PRKCI: variants seen among roughly 807,000 people sequenced by gnomAD.
PRKCI encodes the protein protein kinase C iota, also known as protein kinase C iota type.
A neutral mutation model predicts 84.0 loss-of-function variants in PRKCI; 43 were observed. The observed-to-expected ratio is 0.51, with a 90% CI of 0.40 to 0.66. The LOEUF (loss-of-function observed/expected upper bound fraction) is 0.66. Among genes scored for constraint, PRKCI ranks in the 30% least tolerant of loss-of-function variants. The probability of loss-of-function intolerance (pLI) is 0.00; values close to 1 mark genes in which losing one functional copy is unlikely to be tolerated. For synonymous variants in PRKCI, 216 were observed against 234.4 expected, an observed-to-expected ratio of 0.92 and a Z score of 0.72; for missense variants, 459 against 745.6, an observed-to-expected ratio of 0.62 and a Z score of 4.48.
chr3:170,289,477 C>A (rs1560184449), intron 12 of PRKCI, among the ~76,000 whole-genome samples: 1 of 152,026 alleles, frequency 6.6e-6, no homozygotes, highest in Non-Finnish European at 1.5e-5. Context: ...GAGTCAGGGA[C>A]AAGAATGGAA....
chr3:170,287,466 T>C (rs1734423806), intron 12 of PRKCI, among the ~76,000 whole-genome samples: 1 of 151,938 alleles, frequency 6.6e-6, no homozygotes, highest in Non-Finnish European at 1.5e-5. Flanking sequence ...ACGTTGATTC[T>C]GTTTACTTTT....
In PRKCI at chr3:170,245,292, TG is replaced by T. The variant is rs770825865; in HGVS notation, c.223+9946del. 1.2e-3 allele frequency among the ~76,000 whole-genome samples: 180 copies of T among 152,226 alleles called. 1 individual carries two copies. Among genetic ancestry groups the T allele is most frequent in the Admixed American group, 1.0e-3 (16 of 15,278 alleles). On this transcript the variant is annotated intron_variant, in intron 2 of 17. Transcript: ENST00000295797. Reference sequence around the variant, plus strand: ...ACTACTTGCAATTAGCATCTGAAGTTGGGGGTAGTCTGTGGGACTGAGCCCT... The same window carrying T: ...ACTACTTGCAATTAGCATCTGAAGTTGGGGTAGTCTGTGGGACTGAGCCCT...
chr3:170,249,975 T>A (rs1733396555), intron 2 of PRKCI, among the ~76,000 whole-genome samples: 1 of 152,006 alleles, frequency 6.6e-6, no homozygotes, highest in Non-Finnish European at 1.5e-5. Context: ...AACTTACTTT[T>A]GTAAAAATGC....
At chr3:170,298,143 G>A (rs1355876724) in intron 16 of PRKCI, among the ~76,000 whole-genome samples, 1 of 152,062 alleles carries the variant, frequency 6.6e-6, no homozygotes, top group Non-Finnish European at 1.5e-5. Context: ...AAAGTGCTGG[G>A]ATTCCAGGGG....
At chr3:170,291,067 C>T (rs1734538166) in intron 12 of PRKCI, among the ~76,000 whole-genome samples, 2 of 151,548 alleles carry the variant, frequency 1.3e-5, no homozygotes, top group South Asian at 2.1e-4. Context: ...ATCCGGGAGG[C>T]GGAGGTTGCA....
intron 9 of PRKCI, 42 bp from the exon 10 acceptor site, chr3:170,281,124 T>G: frequency 1.3e-6 from 2 of 1,492,320 alleles, no homozygotes; most frequent in Non-Finnish European, 1.9e-6. Context: ...TCATTAATTG[T>G]GATATCAGTT....
At chr3:170,281,347 A>T (rs562412143) in intron 10 of PRKCI, 84 bp downstream of exon 10, 1 of 1,057,416 alleles carries the variant, frequency 9.5e-7, no homozygotes, top group South Asian at 1.3e-5. Flanking sequence ...GCCCTAATTC[A>T]TGAAGTTGAT....
In PRKCI at chr3:170,280,414, C is replaced by T. The variant is rs1356165218; in HGVS notation, c.882+11C>T. On this transcript the variant is annotated intron_variant, in intron 9 of 17. Transcript: ENST00000295797. ...GTTAATGATGATGAGGTAAGCACTG[C>T]ATATTTTATTGCTTCTAAACTGCTT... 6.3e-7 allele frequency: 1 copy of T among 1,593,122 alleles called. No individual in the cohort carries two copies. The highest frequency in any genetic ancestry group is 1.8e-5 in the Admixed American group (1 of 56,784).
chr3:170,228,648 TACAC>T (rs1420685917), intron 1 of PRKCI, among the ~76,000 whole-genome samples: 9 of 151,012 alleles, frequency 6.0e-5, no homozygotes, highest in African/African-American at 2.2e-4. Context: ...CACATATACA[TACAC>T]ACACATATAA....
chr3:170,263,038 G>A (rs1482469992), intron 3 of PRKCI, among the ~76,000 whole-genome samples: 9 of 151,468 alleles, frequency 5.9e-5, no homozygotes, highest in Admixed American at 2.0e-4. Flanking sequence ...GCATGGTGGC[G>A]CGTGCCTGTA....
At position 170,303,172 on chromosome 3, in the gene PRKCI, G is replaced by A. The variant is rs751362718; in HGVS notation, c.*45G>A. 4.3e-5 allele frequency: 61 copies of A among 1,434,728 alleles called. No individual in the cohort carries two copies. Among genetic ancestry groups the A allele is most frequent in the Non-Finnish European group, 4.8e-5 (50 of 1,042,434 alleles). The allele number at this position is 1,434,728 out of a possible 1,614,324, so 88.9% of individuals were successfully genotyped here. ...TATTCTACTCATGTTGCCATTTAAT[G>A]CATGGATAAACTTGCTGCAAGCCTG... On this transcript the variant is annotated 3_prime_UTR_variant, in exon 18 of 18. Transcript: ENST00000295797.
intron 2 of PRKCI, among the ~76,000 whole-genome samples, chr3:170,253,242 T>G (rs1733497934): frequency 6.6e-6 from 1 of 152,194 alleles, no homozygotes; most frequent in Non-Finnish European, 1.5e-5. Flanking sequence ...AGGTGTGTGT[T>G]TAGTTTTCTG....
At chr3:170,252,394 A>G (rs889510736) in intron 2 of PRKCI, among the ~76,000 whole-genome samples, 2 of 152,168 alleles carry the variant, frequency 1.3e-5, no homozygotes, top group East Asian at 3.9e-4. Context: ...TATGGGGTAC[A>G]TGAGCTATTT....
intron 8 of PRKCI, 160 bp from the exon 9 acceptor site, chr3:170,280,067 T>C: frequency 3.3e-6 from 2 of 609,214 alleles, no homozygotes. Flanking sequence ...ATAGTTAGAT[T>C]ATTTGGTTTG....
chr3:170,287,955 C>G (rs1734440378), intron 12 of PRKCI, among the ~76,000 whole-genome samples: 1 of 146,062 alleles, frequency 6.8e-6, no homozygotes, highest in Non-Finnish European at 1.5e-5. Flanking sequence ...TGAATTAAGA[C>G]TTTTCTCTTG....
At chr3:170,231,282 C>T (rs1560165548) in intron 1 of PRKCI, among the ~76,000 whole-genome samples, 1 of 151,858 alleles carries the variant, frequency 6.6e-6, no homozygotes, top group Non-Finnish European at 1.5e-5. Flanking sequence ...ATTTTATAAT[C>T]ATGTGCTTTT....
At chr3:170,288,902 TAA>T (rs946056856) in intron 12 of PRKCI, among the ~76,000 whole-genome samples, 3 of 152,258 alleles carry the variant, frequency 2.0e-5, no homozygotes, top group Admixed American at 6.5e-5. Flanking sequence ...AATTTCTTTA[TAA>T]AGATTGCAGA....
chr3:170,283,896 T>C (rs1460862487), intron 11 of PRKCI, among the ~76,000 whole-genome samples: 1 of 152,188 alleles, frequency 6.6e-6, no homozygotes, highest in Non-Finnish European at 1.5e-5. Context: ...CACCAGTGAG[T>C]TGGTAGCAGT....
chr3:170,268,290 G>A (rs1221465634), intron 5 of PRKCI, among the ~76,000 whole-genome samples: 1 of 152,104 alleles, frequency 6.6e-6, no homozygotes, highest in Non-Finnish European at 1.5e-5. Flanking sequence ...TACCAGCCTG[G>A]CCAACATGGC....
Sources: allele counts gnomAD v4.1 joint callset (sites outside exome capture counted in the v4.1 genomes callset), GRCh38; gene constraint gnomAD v4.1.1; transcripts MANE v1.5; gene names NCBI Gene and HGNC (gene_info 2026-07-23, HGNC 2026-07-21).